Variants in MIA3 observed in about 807,000 individuals in gnomAD.
MIA3 encodes the protein transport and Golgi organization protein 1 homolog.
MIA3 carries 90 observed loss-of-function variants against 192.4 expected under a neutral mutation model. The ratio of observed to expected loss-of-function variants is 0.47; its 90% CI spans 0.39 to 0.56. The LOEUF is 0.56. MIA3 is among the 20% of genes least tolerant of loss of function. The probability of loss-of-function intolerance (pLI) is 0.00; values close to 1 mark genes in which losing one functional copy is unlikely to be tolerated. For missense variants in MIA3, 2,123 were observed against 2,269.4 expected (o/e 0.94, Z 1.31); for synonymous variants, 740 against 792.8 (o/e 0.93, Z 1.12).
At chr1:222,645,936 G>GTCTCATATCAA in intron 7 of MIA3, 2 of 340,642 alleles carry the variant, frequency 5.9e-6, no homozygotes, top group South Asian at 6.5e-5. Flanking sequence ...AGAATTAGGT[G>GTCTCATATCAA]GGTCTGTATT....
Position 222,660,216 on chromosome 1 carries a change from T to A in MIA3, c.5015T>A (p.Val1672Glu), listed in dbSNP as rs756610307. 1 of 1,614,084 alleles carries A rather than the reference T, an allele frequency of 6.2e-7. No individual in the cohort carries two copies. Among genetic ancestry groups the A allele is most frequent in the East Asian group, 2.2e-5 (1 of 44,882 alleles). ...AATGGCTCTTTTGGCCCATCCCCTG[T>A]GAGTGGTGGAGAATGCTCCCCTCCA... Reference protein sequence around the residue: ...SQNGSFGPSPVSGGECSPPLT... With the variant: ...SQNGSFGPSPESGGECSPPLT... The change falls in exon 24 of 28, where the codon GTG (valine) becomes GAG (glutamate). Residue 1672 changes from valine (V) to glutamate (E), a missense_variant. Physicochemically the swap from Val to Glu is moderately radical, Grantham distance 121 (BLOSUM62 -2). Transcript: ENST00000344922.
Position 222,665,217 on chromosome 1 carries a change from AAAAAG to A in MIA3, c.5414-91_5414-87del, listed in dbSNP as rs1664219859. The A allele has an allele frequency of 2.3e-5, 21 of 923,874 alleles. No individual in the cohort carries two copies. In the African/African-American group the frequency reaches 2.4e-4, roughly 10 times the overall value. The allele number at this position is 923,874 out of a possible 1,614,324, so 57.2% of individuals were successfully genotyped here. A position where few individuals can be genotyped will look rare whatever the true frequency, so the allele number is the denominator to read the frequency against. ...GCCGCCAAAAAAAAAAAAAAAAAAAAAAAAGGATGACAGACTATATTAACATACCT... is the reference window on the plus strand; with the variant it reads ...GCCGCCAAAAAAAAAAAAAAAAAAAAGATGACAGACTATATTAACATACCT... On this transcript the variant is annotated intron_variant, in intron 27 of 27. Transcript: ENST00000344922.
intron 7 of MIA3, among the ~76,000 whole-genome samples, chr1:222,648,500 T>C (rs1663261551): frequency 6.6e-6 from 1 of 152,178 alleles, no homozygotes; most frequent in African/African-American, 2.4e-5. Flanking sequence ...AATATATTTA[T>C]TACAAAAATA....
At chr1:222,634,299 C>T (rs553610912) in intron 6 of MIA3, among the ~76,000 whole-genome samples, 9 of 151,802 alleles carry the variant, frequency 5.9e-5, no homozygotes, top group East Asian at 3.9e-4. Flanking sequence ...CCAGCCTGAG[C>T]GACAGAGCAA....
chr1:222,628,944 A>C lies in MIA3; in HGVS notation c.1724A>C (p.Glu575Ala). The change falls in exon 4 of 28, where the codon GAA (glutamate) becomes GCA (alanine). Residue 575 changes from glutamate (E) to alanine (A), a missense_variant. This residue lies in a region of MIA3 where 1,357 missense variants were observed against 1,396.1 expected (regional missense o/e 0.97). Transcript: ENST00000344922. ...ATGAATGACAGAAAGATTCAACAGG[A>C]ATCCCTGGGTAGTGCACCACTCATG... is the stretch of plus-strand genomic sequence containing the variant. The part of the protein sequence containing the change: ...NQMNDRKIQQ[E>A]SLGSAPLMGD... 6.2e-7 allele frequency: 1 copy of C among 1,614,192 alleles called. No individual in the cohort carries two copies. Among genetic ancestry groups the C allele is most frequent in the Non-Finnish European group, 8.5e-7 (1 of 1,180,030 alleles).
chr1:222,630,253 A>T lies in MIA3; in HGVS notation c.3033A>T (p.Ile1011=), dbSNP rs2124848380. ...ATCTGGGAATGAACGAAAATAACAT[A>T]TTTGAAGAGGCTGCAGTGCTTGATG... is the stretch of plus-strand genomic sequence containing the variant. ...NRDLGMNENN[I]FEEAAVLDDI... is the part of the protein sequence containing the mutation. The change falls in exon 4 of 28, where the codon ATA becomes ATT. Residue 1011 remains isoleucine, a synonymous_variant. Transcript: ENST00000344922. The T allele has an allele frequency of 1.2e-6, 2 of 1,614,216 alleles. No homozygotes were observed. The highest frequency in any genetic ancestry group is 4.5e-5 in the East Asian group (2 of 44,886).
At chr1:222,644,658 T>A in intron 6 of MIA3, 2 of 1,469,786 alleles carry the variant, frequency 1.4e-6, no homozygotes, top group Non-Finnish European at 1.9e-6. Context: ...GCAGAGTGGG[T>A]GCACTGATTG....
intron 3 of MIA3, 55 bp from the exon 4 acceptor site, chr1:222,627,520 T>A: frequency 3.6e-6 from 5 of 1,389,588 alleles, no homozygotes; most frequent in Non-Finnish European, 4.9e-6. Context: ...TGGATAAGAC[T>A]TTGCTCTGGT....
chr1:222,660,763 T>G (rs1420493858), intron 24 of MIA3: 1 of 166,108 alleles, frequency 6.0e-6, no homozygotes, highest in Non-Finnish European at 1.3e-5. Flanking sequence ...AAGAAAAATT[T>G]ATGTATGTCG....
At chr1:222,623,554 T>C (rs1661975058) in intron 2 of MIA3, among the ~76,000 whole-genome samples, 1 of 152,236 alleles carries the variant, frequency 6.6e-6, no homozygotes. Flanking sequence ...TCTTAGCATT[T>C]TAGACTTGAT....
At chr1:222,659,355 A>G in intron 19 of MIA3, 98 bp from the exon 20 acceptor site, 1 of 1,034,044 alleles carries the variant, frequency 9.7e-7, no homozygotes. Flanking sequence ...GATAAGCTCT[A>G]TTAGGGTACA....
chr1:222,656,484 TG>T (rs377747159), intron 18 of MIA3, among the ~76,000 whole-genome samples: 286 of 152,288 alleles, frequency 1.9e-3, no homozygotes, highest in Middle Eastern at 0.01. Flanking sequence ...TTTTTTCAAA[TG>T]TTTTATGCCT....
chr1:222,657,353 G>A (rs773467367), intron 18 of MIA3, among the ~76,000 whole-genome samples: 5 of 152,258 alleles, frequency 3.3e-5, no homozygotes, highest in Non-Finnish European at 1.5e-5. Context: ...TCCGCTTCTT[G>A]TTTCTCTCAA....
chr1:222,648,979 GT>G (rs1380653745), intron 8 of MIA3, 129 bp downstream of exon 8: 2 of 613,830 alleles, frequency 3.3e-6, no homozygotes, highest in Non-Finnish European at 5.6e-6. Flanking sequence ...AAACTTTACT[GT>G]TCCTAGGTTG....
chr1:222,650,712 G>T lies in MIA3; in HGVS notation c.3798+1G>T. The T allele has an allele frequency of 6.3e-7, 1 of 1,587,988 alleles. No homozygotes were observed. The highest frequency in any genetic ancestry group is 8.6e-7 in the Non-Finnish European group (1 of 1,163,860). ...CTCTGATGAAGCAATTAAATATAAG[G>T]TAAAAACTTCTTTTGGGGATTACAT... On this transcript the variant is annotated splice_donor_variant, in intron 10 of 27. Transcript: ENST00000344922. LOFTEE classifies it high-confidence loss of function.
In MIA3 at chr1:222,665,416, C is replaced by A. The variant is rs149876249; in HGVS notation, c.5521C>A (p.Pro1841Thr). Residue 1841 changes from proline (P) to threonine (T), a missense_variant, in exon 28 of 28, where the codon CCA (proline) becomes ACA (threonine). Around this residue, in one of 3 missense-constraint regions of MIA3, gnomAD observed 762 missense variants for 856.4 expected, o/e 0.89. Transcript: ENST00000344922. ...HPRGFLPGHAPFRPLGSLGPR... is the reference protein window; with the variant it reads ...HPRGFLPGHATFRPLGSLGPR... ...TCGGGGATTTTTACCTGGACACGCA[C>A]CATTTAGACCTTTAGGTTCACTTGG... 5 of 1,613,990 alleles carry A rather than the reference C, an allele frequency of 3.1e-6. No individual in the cohort carries two copies. In the African/African-American group the frequency reaches 6.7e-5, roughly 22 times the overall value.
At chr1:222,634,357 G>A (rs1662540132) in intron 6 of MIA3, among the ~76,000 whole-genome samples, 1 of 152,050 alleles carries the variant, frequency 6.6e-6, no homozygotes, top group African/African-American at 2.4e-5. Context: ...GAGTTAGGAG[G>A]GAGAAGGTCT....
At chr1:222,643,309 G>A (rs1420328753) in intron 6 of MIA3, among the ~76,000 whole-genome samples, 1 of 152,170 alleles carries the variant, frequency 6.6e-6, no homozygotes, top group Non-Finnish European at 1.5e-5. Context: ...CAGCTGCCTT[G>A]CTGTATCGCA....
At chr1:222,644,220 A>T in intron 6 of MIA3, 1 of 1,158,010 alleles carries the variant, frequency 8.6e-7, no homozygotes. Flanking sequence ...CGTCCCCTCG[A>T]TAGTTGGTTC....
Sources: gnomAD v4.1 joint callset for allele counts (sites outside exome capture counted in the v4.1 genomes callset) on GRCh38, gnomAD v4.1.1 for gene constraint, gnomAD v4.1.1 regional missense constraint, MANE v1.5 for transcripts, NCBI Gene and HGNC (gene_info 2026-07-23, HGNC 2026-07-21) for gene names.